ATRN: variants seen among roughly 807,000 people sequenced by gnomAD.
ATRN encodes the protein attractin-2.
A neutral mutation model predicts 178.7 loss-of-function variants in ATRN; 54 were observed. The ratio of observed to expected loss-of-function variants is 0.30; its 90% CI spans 0.24 to 0.38. The LOEUF (loss-of-function observed/expected upper bound fraction) is 0.38, where lower values mean the gene tolerates loss of function less well. Among genes scored for constraint, ATRN ranks in the 10% least tolerant of loss-of-function variants. The probability of loss-of-function intolerance (pLI) is 1.00; values close to 1 mark genes in which losing one functional copy is unlikely to be tolerated. For synonymous variants in ATRN, 636 were observed against 663.0 expected (o/e 0.96, Z 0.63); for missense variants, 1,443 against 1,815.1 (o/e 0.79, Z 3.73).
At chr20:3,637,547 A>C (rs188618559) in intron 26 of ATRN, among the ~76,000 whole-genome samples, 98 of 152,354 alleles carry the variant, frequency 6.4e-4, no homozygotes, top group African/African-American at 2.1e-3. Context: ...TCTGTCTTCT[A>C]CAGTAGTTCC....
In ATRN at chr20:3,559,397, G is replaced by A. The variant is rs1232682748; in HGVS notation, c.1117G>A (p.Asp373Asn). 6.2e-7 allele frequency: 1 copy of A among 1,610,756 alleles called. No homozygotes were observed. The highest frequency in any genetic ancestry group is 2.2e-5 in the East Asian group (1 of 44,854). ...TATGATCTGTTTGTTTTGTAGGTAT[G>A]ACCTTGCTTCTAGGGAGTGGCTTCC... ...HSDYNMVLAY[D>N]LASREWLPLN... is the part of the protein sequence containing the mutation. Residue 373 changes from aspartate (D) to asparagine (N), a missense_variant, in exon 7 of 29, where the codon GAC becomes AAC. Coordinates refer to ENST00000262919, the MANE Select transcript of ATRN (RefSeq NM_139321.3).
At position 3,632,083 on chromosome 20, in the gene ATRN, G is replaced by A. The variant is rs1335989659; in HGVS notation, c.3864-2228G>A. 6.6e-6 allele frequency among the ~76,000 whole-genome samples: 1 copy of A among 152,080 alleles called. No individual in the cohort carries two copies. The highest frequency in any genetic ancestry group is 2.4e-5 in the African/African-American group (1 of 41,402). ...ATGCCCAGCCCAGACCTGGCAGCCAGCCTCCAGGTTAGAATATCTGCCCAG... is the reference window on the plus strand; with the variant it reads ...ATGCCCAGCCCAGACCTGGCAGCCAACCTCCAGGTTAGAATATCTGCCCAG... On this transcript the variant is annotated intron_variant, in intron 25 of 28. Coordinates refer to ENST00000262919, the MANE Select transcript of ATRN (RefSeq NM_139321.3). This position sits in a 1 kb window ranked among gnomAD's most constrained non-coding sequence, Gnocchi z 4.2.
chr20:3,614,091 TAAAA>T (rs2086804980), intron 24 of ATRN, among the ~76,000 whole-genome samples: 1 of 152,186 alleles, frequency 6.6e-6, no homozygotes, highest in Non-Finnish European at 1.5e-5. Flanking sequence ...TAGATGCAGC[TAAAA>T]AACAAACAAA....
At chr20:3,512,620 C>T (rs1020770241) in intron 1 of ATRN, among the ~76,000 whole-genome samples, 1 of 152,148 alleles carries the variant, frequency 6.6e-6, no homozygotes, top group Non-Finnish European at 1.5e-5. Flanking sequence ...TGGGTATATA[C>T]CCAGTAATGG....
At chr20:3,522,457 C>T (rs1370637223) in intron 1 of ATRN, among the ~76,000 whole-genome samples, 1 of 152,234 alleles carries the variant, frequency 6.6e-6, no homozygotes, top group Non-Finnish European at 1.5e-5. Context: ...TGGGACAGAG[C>T]ACCTGGGGGA....
chr20:3,504,369 G>C (rs1218036399), intron 1 of ATRN, among the ~76,000 whole-genome samples: 1 of 151,718 alleles, frequency 6.6e-6, no homozygotes, highest in African/African-American at 2.4e-5. Context: ...TAGAAATATG[G>C]GTACATAAAA....
intron 1 of ATRN, among the ~76,000 whole-genome samples, chr20:3,483,800 C>T (rs571065675): frequency 6.8e-6 from 1 of 147,658 alleles, no homozygotes; most frequent in African/African-American, 2.5e-5. Flanking sequence ...TATTATTTTT[C>T]AAAAAAAAAC....
At chr20:3,552,432 T>TC (rs1205213889) in intron 6 of ATRN, among the ~76,000 whole-genome samples, 1 of 47,540 alleles carries the variant, frequency 2.1e-5, no homozygotes, top group Non-Finnish European at 4.4e-5. Flanking sequence ...CCCCCAGATG[T>TC]CCCCCCCAGT....
At chr20:3,573,169 T>TA (rs1336954088) in intron 12 of ATRN, among the ~76,000 whole-genome samples, 10 of 152,196 alleles carry the variant, frequency 6.6e-5, no homozygotes, top group South Asian at 4.1e-4. Context: ...CTGCGAGTGA[T>TA]AGAGACATAA....
intron 6 of ATRN, among the ~76,000 whole-genome samples, 197 bp downstream of exon 6, chr20:3,549,535 C>T (rs1313609367): frequency 6.6e-6 from 1 of 152,160 alleles, no homozygotes; most frequent in Non-Finnish European, 1.5e-5. Context: ...AATTCATTGT[C>T]ATGATAAGCA....
In ATRN at chr20:3,582,312, A is replaced by G. The variant is rs1489104750; in HGVS notation, c.2722A>G (p.Thr908Ala). ...CAGTACTCGGGGACTGAAGGCTGCA[A>G]CCTGCATCAACCCACTCAATGGTAG... ...EPSTRGLKAA[T>A]CINPLNGSVC... Residue 908 changes from threonine to alanine, a missense_variant, in exon 16 of 29, where the codon ACC becomes GCC. This residue lies in a region of ATRN where 212 missense variants were observed against 330.7 expected (regional missense o/e 0.64). Transcript: ENST00000262919. The G allele has an allele frequency of 1.2e-6, 2 of 1,612,230 alleles. No individual in the cohort carries two copies. The highest frequency in any genetic ancestry group is 1.7e-6 in the Non-Finnish European group (2 of 1,180,014).
At chr20:3,605,892 C>T (rs2086670543) in intron 24 of ATRN, among the ~76,000 whole-genome samples, 1 of 152,108 alleles carries the variant, frequency 6.6e-6, no homozygotes, top group African/African-American at 2.4e-5. Flanking sequence ...TGCACATGTA[C>T]CCCTGAACTT....
Position 3,548,526 on chromosome 20 carries a change from T to G in ATRN, c.944-644T>G, listed in dbSNP as rs2146203264. The stretch of plus-strand genomic sequence containing the variant: ...TGAGGCAGGAGAATGTCTTGAACCC[T>G]GGAGGTGGAGGTTGCAGTGAGCCGA... On this transcript the variant is annotated intron_variant, in intron 5 of 28. Coordinates refer to ENST00000262919, the MANE Select transcript of ATRN (RefSeq NM_139321.3). Among the ~76,000 whole-genome samples the G allele has an allele frequency of 2.0e-5, 3 of 147,462 alleles. No individual in the cohort carries two copies. The South Asian group carries it at 6.3e-4, about 31-fold the overall frequency.
At chr20:3,521,499 A>G (rs769840220) in intron 1 of ATRN, among the ~76,000 whole-genome samples, 2 of 152,232 alleles carry the variant, frequency 1.3e-5, no homozygotes, top group African/African-American at 2.4e-5. Flanking sequence ...TACATGAAGT[A>G]CAAATGGTCA....
intron 15 of ATRN, among the ~76,000 whole-genome samples, chr20:3,579,659 T>C (rs1391607455): frequency 6.6e-6 from 1 of 152,202 alleles, no homozygotes; most frequent in Non-Finnish European, 1.5e-5. Flanking sequence ...CAATATTCCA[T>C]GATCACATTT....
At chr20:3,517,119 A>G (rs1054612424) in intron 1 of ATRN, among the ~76,000 whole-genome samples, 6 of 152,126 alleles carry the variant, frequency 3.9e-5, no homozygotes, top group Admixed American at 6.5e-5. Flanking sequence ...AAGCGTTCCT[A>G]TTTCTCCATG....
At position 3,584,828 on chromosome 20, in the gene ATRN, C is replaced by T; in HGVS notation, c.3132C>T (p.Ser1044=). ...GNFYPQPLLN[S]SMCLEDSRYN... is the part of the protein sequence containing the mutation. Reference sequence around the variant, plus strand: ...TCTATCCACAGCCCCTGCTCAATTCCAGCATGTGTCTAGAGGACAGCAGAT... The same window carrying T: ...TCTATCCACAGCCCCTGCTCAATTCTAGCATGTGTCTAGAGGACAGCAGAT... The change falls in exon 18 of 29, where the codon TCC becomes TCT. Residue 1044 remains serine, a synonymous_variant. Coordinates refer to ENST00000262919, the MANE Select transcript of ATRN (RefSeq NM_139321.3). 6.2e-7 allele frequency: 1 copy of T among 1,614,216 alleles called. No individual in the cohort carries two copies. The highest frequency in any genetic ancestry group is 8.5e-7 in the Non-Finnish European group (1 of 1,180,028).
intron 1 of ATRN, chr20:3,490,394 G>A: frequency 2.0e-6 from 2 of 977,194 alleles, no homozygotes; most frequent in Non-Finnish European, 3.3e-6. Flanking sequence ...TTCCCAAAAA[G>A]TTCATTCTGA....
At chr20:3,575,703 T>C (rs2086198717) in intron 12 of ATRN, 124 bp from the exon 13 acceptor site, 2 of 1,079,790 alleles carry the variant, frequency 1.9e-6, no homozygotes, top group Admixed American at 2.3e-5. Context: ...CCAAATATAT[T>C]TTCCTGCCAG....
Sources: gnomAD v4.1 joint callset for allele counts (sites outside exome capture counted in the v4.1 genomes callset) on GRCh38, gnomAD v4.1.1 for gene constraint, gnomAD v4.1.1 regional missense constraint, Gnocchi (gnomAD v3.1) non-coding constraint, MANE v1.5 for transcripts, NCBI Gene and HGNC (gene_info 2026-07-23, HGNC 2026-07-21) for gene names.